TMEM163: variants seen among roughly 807,000 people sequenced by gnomAD.
The protein encoded by TMEM163 is transmembrane protein 163.
In TMEM163, 17 loss-of-function variants were observed where a neutral mutation model predicts 29.3. That is an observed-to-expected ratio of 0.58 (90% CI 0.40 to 0.87). The LOEUF (loss-of-function observed/expected upper bound fraction) is 0.87. Ranked by LOEUF, TMEM163 falls within the 40% of genes least tolerant of loss-of-function variation. TMEM163 has a pLI of 0.00. For missense variants in TMEM163, 303 were observed against 381.5 expected (o/e 0.79, Z 1.71); for synonymous variants, 157 against 160.6 (o/e 0.98, Z 0.17).
intron 2 of TMEM163, among the ~76,000 whole-genome samples, chr2:134,649,056 GCGAC>G (rs1683405131): frequency 6.6e-6 from 1 of 152,172 alleles, no homozygotes; most frequent in African/African-American, 2.4e-5. Context: ...TCTCAGACCT[GCGAC>G]ATATCAAAAA....
intron 4 of TMEM163, among the ~76,000 whole-genome samples, chr2:134,546,718 TAGG>T (rs1329605836): frequency 7.2e-6 from 1 of 138,148 alleles, no homozygotes; most frequent in Non-Finnish European, 1.5e-5. Context: ...GAGGCTGAGG[TAGG>T]AGAATTGCCT....
At position 134,707,378 on chromosome 2, in the gene TMEM163, T is replaced by G. The variant is rs1017560257; in HGVS notation, c.322+5822A>C. Among the ~76,000 whole-genome samples the G allele has an allele frequency of 2.6e-5, 4 of 152,172 alleles. No individual in the cohort carries two copies. The South Asian group carries it at 8.3e-4, about 32-fold the overall frequency. ...ATGTCCTGAAGAACAATTAAGACAC[T>G]GGTAACAAAGGCTGCCAGCGGAAGA... is the stretch of plus-strand genomic sequence containing the variant. On this transcript the variant is annotated intron_variant, in intron 2 of 7. Coordinates refer to ENST00000281924, the MANE Select transcript of TMEM163 (RefSeq NM_030923.5).
chr2:134,456,531 T>C lies in TMEM163; in HGVS notation c.*185A>G, dbSNP rs6724303. The C allele has an allele frequency of 5.1e-3, 3,336 of 655,494 alleles. 91 individuals are homozygous for C. In the African/African-American group the frequency reaches 0.054, roughly 11 times the overall value. The allele number at this position is 655,494 out of a possible 1,614,324, so 40.6% of individuals were successfully genotyped here. On this transcript the variant is annotated 3_prime_UTR_variant, in exon 8 of 8. Coordinates refer to ENST00000281924, the MANE Select transcript of TMEM163 (RefSeq NM_030923.5). ...TCCTATGGGCATTGTCCCAACATGT[T>C]TGATGGGGGCGGCAGGTGATGGGGG...
intron 2 of TMEM163, among the ~76,000 whole-genome samples, chr2:134,577,190 G>A (rs1681574906): frequency 6.6e-6 from 1 of 152,126 alleles, no homozygotes; most frequent in South Asian, 2.1e-4. Flanking sequence ...ATACACACAC[G>A]TAGACATGCA....
chr2:134,583,298 G>A (rs972860452), intron 2 of TMEM163, among the ~76,000 whole-genome samples: 2 of 152,222 alleles, frequency 1.3e-5, no homozygotes, highest in Non-Finnish European at 2.9e-5. Context: ...TATCAAGAGA[G>A]CTGACACATG....
chr2:134,525,526 G>A (rs1680275181), intron 4 of TMEM163, among the ~76,000 whole-genome samples: 1 of 152,218 alleles, frequency 6.6e-6, no homozygotes, highest in South Asian at 2.1e-4. Context: ...CACTGGAAGG[G>A]CACTTGCCCC....
chr2:134,713,645 T>C (rs1198395689), intron 1 of TMEM163: 1 of 491,050 alleles, frequency 2.0e-6, no homozygotes, highest in Non-Finnish European at 4.0e-6. Context: ...TTATGTTGCT[T>C]GGCCTCAGGT....
At chr2:134,542,535 G>A (rs1046340464) in intron 4 of TMEM163, among the ~76,000 whole-genome samples, 34 of 152,126 alleles carry the variant, frequency 2.2e-4, no homozygotes, top group Admixed American at 5.9e-4. Context: ...TCGCATTACC[G>A]CCTGGGCTCC....
intron 4 of TMEM163, among the ~76,000 whole-genome samples, chr2:134,517,450 C>T (rs1321384064): frequency 6.6e-6 from 1 of 152,162 alleles, no homozygotes; most frequent in Non-Finnish European, 1.5e-5. Flanking sequence ...AGCTGGGACT[C>T]AAAGCCAAAT....
chr2:134,651,401 T>C (rs1221929003), intron 2 of TMEM163, among the ~76,000 whole-genome samples: 2 of 133,574 alleles, frequency 1.5e-5, no homozygotes, highest in Non-Finnish European at 3.1e-5. Context: ...GTTTGTTTTT[T>C]TCTTGTAAAT....
chr2:134,689,344 G>A (rs558718022), intron 2 of TMEM163, among the ~76,000 whole-genome samples: 2 of 152,280 alleles, frequency 1.3e-5, no homozygotes, highest in East Asian at 3.9e-4. Flanking sequence ...CTGACCTCAG[G>A]TGATCTGCCT....
chr2:134,564,933 C>T (rs1681264542), intron 2 of TMEM163, among the ~76,000 whole-genome samples: 1 of 152,158 alleles, frequency 6.6e-6, no homozygotes, highest in Admixed American at 6.5e-5. Flanking sequence ...AAACTGGCTG[C>T]CCGTCTCTAT....
At chr2:134,461,837 G>T (rs1328645446) in intron 6 of TMEM163, among the ~76,000 whole-genome samples, 1 of 152,210 alleles carries the variant, frequency 6.6e-6, no homozygotes, top group Non-Finnish European at 1.5e-5. Context: ...TCCCACAAAG[G>T]GGATGCTTGG....
chr2:134,505,230 G>A (rs1005475025), intron 4 of TMEM163, among the ~76,000 whole-genome samples: 2 of 140,632 alleles, frequency 1.4e-5, no homozygotes, highest in Admixed American at 7.5e-5. Context: ...GTACTCACCT[G>A]GGGAATTCCT....
intron 4 of TMEM163, among the ~76,000 whole-genome samples, chr2:134,521,950 T>C (rs913148912): frequency 2.6e-5 from 4 of 152,080 alleles, no homozygotes; most frequent in South Asian, 2.1e-4. Context: ...ATGAGAAACA[T>C]GTAAGGTTGC....
chr2:134,601,804 T>G (rs1333578366), intron 2 of TMEM163, among the ~76,000 whole-genome samples: 1 of 151,910 alleles, frequency 6.6e-6, no homozygotes, highest in Non-Finnish European at 1.5e-5. Flanking sequence ...CCAAAAGTGG[T>G]AAGAGCTATG....
chr2:134,592,664 G>C lies in TMEM163; in HGVS notation c.323-40573C>G, dbSNP rs190795896. On this transcript the variant is annotated intron_variant, in intron 2 of 7. Transcript: ENST00000281924. The stretch of plus-strand genomic sequence containing the variant: ...TTTCTCTGGGGTCCCCTTAGCCCAG[G>C]GGGTTGGGGAGGGGGTTGTTCAGTT... Among the ~76,000 whole-genome samples the C allele has an allele frequency of 1.9e-3, 288 of 152,238 alleles. 2 individuals carry two copies. The highest frequency in any genetic ancestry group is 4.9e-3 in the Admixed American group (75 of 15,290).
chr2:134,489,218 T>C (rs570579), intron 5 of TMEM163, among the ~76,000 whole-genome samples: 25,329 of 152,194 alleles, frequency 0.17, 2,286 homozygotes, highest in South Asian at 0.26. Flanking sequence ...AGCACCTACA[T>C]TTATATGATG....
chr2:134,538,314 A>T (rs935969277), intron 4 of TMEM163, among the ~76,000 whole-genome samples: 1 of 152,176 alleles, frequency 6.6e-6, no homozygotes, highest in African/African-American at 2.4e-5. Flanking sequence ...CCCTCTCCAG[A>T]CACTGAATCC....
Sources: gnomAD v4.1 joint callset for allele counts (sites outside exome capture counted in the v4.1 genomes callset) on GRCh38, gnomAD v4.1.1 for gene constraint, MANE v1.5 for transcripts, NCBI Gene and HGNC (gene_info 2026-07-23, HGNC 2026-07-21) for gene names.